Variants in STS observed in about 807,000 individuals in gnomAD.
The protein encoded by STS is steroid sulfatase, also known as steryl-sulfatase.
A neutral mutation model predicts 26.8 loss-of-function variants in STS; 7 were observed. The ratio of observed to expected loss-of-function variants is 0.26; its 90% CI spans 0.15 to 0.49. The LOEUF (loss-of-function observed/expected upper bound fraction) is 0.49, where lower values mean the gene tolerates loss of function less well. Ranked by LOEUF, STS falls within the 20% of genes least tolerant of loss-of-function variation. The pLI is 0.98. For synonymous variants in STS, 199 were observed against 189.4 expected (o/e 1.05, Z -0.42); for missense variants, 434 against 465.6 (o/e 0.93, Z 0.63).
At chrX:7,277,202 A>T (rs193269835) in intron 7 of STS, among the ~76,000 whole-genome samples, 28 of 112,406 alleles carry the variant, frequency 2.5e-4, no homozygotes, top group Non-Finnish European at 4.3e-4. Flanking sequence ...GAGTGACAGA[A>T]GAGATCATTT....
intron 2 of STS, among the ~76,000 whole-genome samples, chrX:7,235,359 A>G (rs1458652516): frequency 8.9e-6 from 1 of 112,318 alleles, no homozygotes; most frequent in East Asian, 2.8e-4. Context: ...AAGTCTGTAC[A>G]TTTGCTAAAC....
At chrX:7,233,814 G>A (rs1488789848) in intron 2 of STS, among the ~76,000 whole-genome samples, 1 of 111,391 alleles carries the variant, frequency 9.0e-6, no homozygotes. Context: ...TGCTGCAGTG[G>A]GAGGTAAGAA....
chrX:7,346,458 TAAAAAAAAA>T (rs33973441), intron 10 of STS, among the ~76,000 whole-genome samples: 1 of 80,787 alleles, frequency 1.2e-5, no homozygotes, highest in Non-Finnish European at 2.4e-5. Flanking sequence ...CTTAAACAAG[TAAAAAAAAA>T]AAAAAAAAAA....
Position 7,325,370 on chromosome X carries a change from C to G in STS, c.1113C>G (p.Ile371Met), listed in dbSNP as rs763838495. The G allele has an allele frequency of 4.7e-5, 57 of 1,209,400 alleles. No homozygotes were observed. Among genetic ancestry groups the G allele is most frequent in the Non-Finnish European group, 6.4e-5 (57 of 895,058 alleles). ...GGKANNWEGG[I>M]RVPGILRWPR... ...AAGCAAACAACTGGGAAGGAGGTAT[C>G]CGGGTTCCAGGCATCCTTCGTTGGC... Residue 371 changes from isoleucine (I) to methionine (M), a missense_variant, in exon 9 of 11, where the codon ATC becomes ATG. Coordinates refer to ENST00000674429, the MANE Select transcript of STS (RefSeq NM_001320752.2).
chrX:7,174,671 A>C (rs1933531369), intron 1 of STS, among the ~76,000 whole-genome samples: 1 of 111,661 alleles, frequency 9.0e-6, no homozygotes, highest in Admixed American at 9.6e-5. Context: ...TGCGTTCTTC[A>C]GCATCCCAAA....
intron 2 of STS, among the ~76,000 whole-genome samples, chrX:7,192,825 C>G (rs762552735): frequency 8.9e-6 from 1 of 112,036 alleles, no homozygotes; most frequent in African/African-American, 3.2e-5. Context: ...TTTTGGTCGT[C>G]AGAACTTTGG....
intron 1 of STS, among the ~76,000 whole-genome samples, chrX:7,175,128 T>C (rs1211330767): frequency 1.1e-5 from 1 of 86,997 alleles, no homozygotes; most frequent in Non-Finnish European, 2.1e-5. Context: ...AATTCCAGAA[T>C]CAGAAAACCT....
intron 8 of STS, among the ~76,000 whole-genome samples, chrX:7,322,670 G>C (rs1927097740): frequency 8.9e-6 from 1 of 112,021 alleles, no homozygotes; most frequent in African/African-American, 3.2e-5. Flanking sequence ...TAAAGTGCTG[G>C]GATTACAGGT....
intron 7 of STS, among the ~76,000 whole-genome samples, chrX:7,304,244 A>G (rs1926108901): frequency 8.9e-6 from 1 of 112,261 alleles, no homozygotes; most frequent in Admixed American, 9.5e-5. Flanking sequence ...AAATGAAGCT[A>G]GTGCCATTTA....
intron 9 of STS, among the ~76,000 whole-genome samples, chrX:7,326,861 G>A (rs765510907): frequency 1.8e-5 from 2 of 111,543 alleles, no homozygotes; most frequent in South Asian, 3.8e-4. Flanking sequence ...CGCTGTATTC[G>A]ACCTTGTTTC....
chrX:7,165,161 G>A (rs193161774), intron 1 of STS, among the ~76,000 whole-genome samples: 1 of 108,181 alleles, frequency 9.2e-6, no homozygotes, highest in African/African-American at 3.4e-5. Context: ...CTAGATATTT[G>A]GGGCAGGATA....
At chrX:7,278,222 C>T (rs1924632406) in intron 7 of STS, among the ~76,000 whole-genome samples, 1 of 112,227 alleles carries the variant, frequency 8.9e-6, no homozygotes, top group African/African-American at 3.2e-5. Flanking sequence ...TTTTTTAAAT[C>T]CAATACATAT....
chrX:7,181,058 G>A (rs1933671241), intron 1 of STS, among the ~76,000 whole-genome samples: 1 of 112,219 alleles, frequency 8.9e-6, no homozygotes, highest in Non-Finnish European at 1.9e-5. Context: ...GGGCCGCTAT[G>A]TCTGCTCACC....
rs1791636423 is a variant in STS, at chrX:7,270,413, C to A, written c.807-5538C>A. 2.7e-5 allele frequency among the ~76,000 whole-genome samples: 3 copies of A among 111,739 alleles called. No homozygotes were observed. The Admixed American group carries it at 2.9e-4, about 11-fold the overall frequency. On this transcript the variant is annotated intron_variant, in intron 6 of 10. Coordinates refer to ENST00000674429, the MANE Select transcript of STS (RefSeq NM_001320752.2). The stretch of plus-strand genomic sequence containing the variant: ...ATTCCTTCACCTGGGCACAGGCTGT[C>A]AGTTACACCCCAGGTGTGTGCAGGA...
chrX:7,263,008 A>G (rs1474774156), intron 6 of STS, among the ~76,000 whole-genome samples: 5 of 112,468 alleles, frequency 4.4e-5, no homozygotes, highest in Non-Finnish European at 9.4e-5. Context: ...ACAATGGACC[A>G]CGTATATGAC....
At chrX:7,192,664 T>C (rs768623370) in intron 2 of STS, among the ~76,000 whole-genome samples, 5 of 112,151 alleles carry the variant, frequency 4.5e-5, no homozygotes, top group Non-Finnish European at 9.4e-5. Flanking sequence ...ACCTGGATGA[T>C]CCTGCCAGCC....
At chrX:7,306,919 T>C (rs759431976) in intron 8 of STS, among the ~76,000 whole-genome samples, 1 of 111,723 alleles carries the variant, frequency 9.0e-6, no homozygotes, top group East Asian at 2.9e-4. Context: ...AGAGAAATAG[T>C]CCTCTGTAGT....
At chrX:7,311,993 C>T (rs1319375409) in intron 8 of STS, among the ~76,000 whole-genome samples, 2 of 111,858 alleles carry the variant, frequency 1.8e-5, no homozygotes, top group Admixed American at 9.4e-5. Context: ...CACCACTACA[C>T]TCCAGCCTGG....
At chrX:7,197,204 A>G (rs1247904529) in intron 2 of STS, among the ~76,000 whole-genome samples, 1 of 111,721 alleles carries the variant, frequency 9.0e-6, no homozygotes, top group African/African-American at 3.3e-5. Context: ...CTCTTGTTGC[A>G]TTTGCAGTTT....
Sources: gnomAD v4.1 joint callset for allele counts (sites outside exome capture counted in the v4.1 genomes callset) on GRCh38, gnomAD v4.1.1 for gene constraint, MANE v1.5 for transcripts, NCBI Gene and HGNC (gene_info 2026-07-23, HGNC 2026-07-21) for gene names.